ANKRD50: variants seen among roughly 807,000 people sequenced by gnomAD.
ANKRD50 encodes the protein ankyrin repeat domain 50.
A neutral mutation model predicts 112.0 loss-of-function variants in ANKRD50; 40 were observed. The ratio of observed to expected loss-of-function variants is 0.36; its 90% CI spans 0.28 to 0.46. The LOEUF is 0.46. Among genes scored for constraint, ANKRD50 ranks in the 20% least tolerant of loss-of-function variants. The pLI is 1.00. For synonymous variants in ANKRD50, 613 were observed against 619.1 expected (o/e 0.99, Z 0.15); for missense variants, 1,487 against 1,701.7 (o/e 0.87, Z 2.22).
chr4:124,690,327 A>G (rs1179849183), intron 2 of ANKRD50, among the ~76,000 whole-genome samples: 1 of 152,224 alleles, frequency 6.6e-6, no homozygotes, highest in African/African-American at 2.4e-5. Flanking sequence ...ATGGCAACAC[A>G]CAATTACCTC....
rs555096890 is a variant in ANKRD50 at position 124,668,152 on chromosome 4, C to T, written c.*4-638G>A. ...TATCTAAAATATAAAACTTACATAC[C>T]TATTTTCCCACTAACATCCCCTATA... is the stretch of plus-strand genomic sequence containing the variant. On this transcript the variant is annotated intron_variant, in intron 4 of 4. Transcript: ENST00000504087. Among the ~76,000 whole-genome samples, 13 of 151,922 alleles carry T rather than the reference C, an allele frequency of 8.6e-5. No homozygotes were observed. The South Asian group carries it at 2.3e-3, about 27-fold the overall frequency.
At chr4:124,707,133 A>C (rs1725523343) in intron 2 of ANKRD50, among the ~76,000 whole-genome samples, 1 of 152,084 alleles carries the variant, frequency 6.6e-6, no homozygotes, top group African/African-American at 2.4e-5. Flanking sequence ...AAAGCGAAAA[A>C]TAAATATTTT....
chr4:124,703,189 A>G (rs576187648), intron 2 of ANKRD50, among the ~76,000 whole-genome samples: 65 of 152,254 alleles, frequency 4.3e-4, no homozygotes, highest in Non-Finnish European at 8.4e-4. Flanking sequence ...CTGAAAGAAA[A>G]AAGTACAAAT....
At chr4:124,708,715 C>CACACACAT (rs1560603492) in intron 2 of ANKRD50, among the ~76,000 whole-genome samples, 1 of 147,890 alleles carries the variant, frequency 6.8e-6, no homozygotes, top group Non-Finnish European at 1.5e-5. Context: ...CACACACACA[C>CACACACAT]ACACATACAC....
chr4:124,667,103 T>C lies in ANKRD50; in HGVS notation c.*415A>G, dbSNP rs973592371. On this transcript the variant is annotated 3_prime_UTR_variant, in exon 5 of 5. Transcript: ENST00000504087. ...AATGCAATGTGACTGAAACAGTATG[T>C]TTAAGTTTCTTTTGCCACAAAAAGA... 1 of 151,930 alleles carries C rather than the reference T, an allele frequency of 6.6e-6. No homozygotes were observed. Among genetic ancestry groups the C allele is most frequent in the Non-Finnish European group, 1.5e-5 (1 of 67,930 alleles). The allele number at this position is 151,930 out of a possible 1,614,324, so 9.4% of individuals were successfully genotyped here. A position where few individuals can be genotyped will look rare whatever the true frequency, so the allele number is the denominator to read the frequency against.
At chr4:124,678,563 C>G in intron 3 of ANKRD50, 113 bp downstream of exon 3, 1 of 893,436 alleles carries the variant, frequency 1.1e-6, no homozygotes, top group Non-Finnish European at 1.7e-6. Context: ...TTGAGAATAG[C>G]TGATAGAAGG....
chr4:124,670,569 T>C lies in ANKRD50; in HGVS notation c.2708A>G (p.Lys903Arg), dbSNP rs1238712192. The C allele has an allele frequency of 1.2e-6, 2 of 1,613,140 alleles. No individual in the cohort carries two copies. The highest frequency in any genetic ancestry group is 1.7e-6 in the Non-Finnish European group (2 of 1,179,738). Residue 903 changes from lysine (K) to arginine (R), a missense_variant, in exon 4 of 5, where the codon AAA becomes AGA. Transcript: ENST00000504087. The part of the protein sequence containing the change: ...YDCVQILLEN[K>R]SNIDQRGYDG... The stretch of plus-strand genomic sequence containing the variant: ...ATAACCTCTTTGATCAATGTTGGAT[T>C]TGTTTTCCAGTAATATTTGAACACA...
intron 2 of ANKRD50, among the ~76,000 whole-genome samples, chr4:124,699,862 T>G (rs1001109755): frequency 1.3e-5 from 2 of 152,000 alleles, no homozygotes; most frequent in Non-Finnish European, 2.9e-5. Context: ...TTATAATGTT[T>G]TAAATTAAAA....
At position 124,671,067 on chromosome 4, in the gene ANKRD50, C is replaced by T. The variant is rs763887893; in HGVS notation, c.2210G>A (p.Arg737Gln). The change falls in exon 4 of 5, where the codon CGA becomes CAA. Residue 737 changes from arginine (R) to glutamine (Q), a missense_variant. Arg to Gln is a conservative substitution (Grantham distance 43). Coordinates refer to ENST00000504087, the MANE Select transcript of ANKRD50 (RefSeq NM_020337.3). ...HASVVSLLIDRGAEVDHCDKD... is the reference protein window; with the variant it reads ...HASVVSLLIDQGAEVDHCDKD... ...ATCACAATGATCTACTTCAGCACCT[C>T]GATCAATTAAAAGGCTAACAACTGA... 15 of 1,613,582 alleles carry T rather than the reference C, an allele frequency of 9.3e-6. No homozygotes were observed. The highest frequency in any genetic ancestry group is 2.2e-5 in the East Asian group (1 of 44,848).
rs1725290617 is a variant in ANKRD50 at position 124,698,033 on chromosome 4, G to A, written c.512+11967C>T. Among the ~76,000 whole-genome samples the A allele has an allele frequency of 2.6e-5, 4 of 152,296 alleles. No homozygotes were observed. The South Asian group carries it at 8.3e-4, about 32-fold the overall frequency. ...GACAGAATTTTTTGAAGCATTTGCT[G>A]TAAAAGGGAACAGTGAAGTTGAGTA... is the stretch of plus-strand genomic sequence containing the variant. On this transcript the variant is annotated intron_variant, in intron 2 of 4. Transcript: ENST00000504087.
At position 124,665,938 on chromosome 4, in the gene ANKRD50, T is replaced by A. The variant is rs1011786709; in HGVS notation, c.*1580A>T. Reference sequence around the variant, plus strand: ...ATGTATCACATGTGTCCTTCATATATGAAGATGACATTACTGACCTTTGTT... The same window carrying A: ...ATGTATCACATGTGTCCTTCATATAAGAAGATGACATTACTGACCTTTGTT... On this transcript the variant is annotated 3_prime_UTR_variant, in exon 5 of 5. Transcript: ENST00000504087. 2.0e-5 allele frequency: 3 copies of A among 152,158 alleles called. No individual in the cohort carries two copies. Among genetic ancestry groups the A allele is most frequent in the Non-Finnish European group, 4.4e-5 (3 of 67,940 alleles). 9.4% of individuals were successfully genotyped at this position (152,158 alleles called of 1,614,324 possible). A position where few individuals can be genotyped will look rare whatever the true frequency, so the allele number is the denominator to read the frequency against.
chr4:124,678,091 A>G (rs780555934), intron 3 of ANKRD50, among the ~76,000 whole-genome samples: 1 of 152,106 alleles, frequency 6.6e-6, no homozygotes, highest in Non-Finnish European at 1.5e-5. Context: ...AACTAACAAG[A>G]TTTCAACATA....
chr4:124,687,763 C>T (rs1725042187), intron 2 of ANKRD50, among the ~76,000 whole-genome samples: 1 of 152,098 alleles, frequency 6.6e-6, no homozygotes, highest in African/African-American at 2.4e-5. Context: ...TAAAAACGTG[C>T]TCAACATCAT....
chr4:124,710,653 T>C lies in ANKRD50; in HGVS notation c.-142A>G, dbSNP rs1725609348. ...TAAAATTCAACAGCCACAGAGTTCC[T>C]CTGTCAACAGAACGTGCATGACTTT... On this transcript the variant is annotated 5_prime_UTR_variant, in exon 2 of 5. Transcript: ENST00000504087. 4 of 986,526 alleles carry C rather than the reference T, an allele frequency of 4.1e-6. No homozygotes were observed. Among genetic ancestry groups the C allele is most frequent in the Admixed American group, 4.7e-5 (2 of 42,310 alleles). The allele number at this position is 986,526 out of a possible 1,614,324, so 61.1% of individuals were successfully genotyped here. A position where few individuals can be genotyped will look rare whatever the true frequency, so the allele number is the denominator to read the frequency against.
rs1010320100 is a variant in ANKRD50, at chr4:124,666,086, A to G, written c.*1432T>C. On this transcript the variant is annotated 3_prime_UTR_variant, in exon 5 of 5. Coordinates refer to ENST00000504087, the MANE Select transcript of ANKRD50 (RefSeq NM_020337.3). ...AAAGAACAGAATTTCTGGGTTCTAT[A>G]AGATTAACAGGCCCATTCTAAGATC... 1 of 152,166 alleles carries G rather than the reference A, an allele frequency of 6.6e-6. No individual in the cohort carries two copies. Among genetic ancestry groups the G allele is most frequent in the African/African-American group, 2.4e-5 (1 of 41,430 alleles). The allele number at this position is 152,166 out of a possible 1,614,324, so 9.4% of individuals were successfully genotyped here. A position where few individuals can be genotyped will look rare whatever the true frequency, so the allele number is the denominator to read the frequency against.
At chr4:124,703,348 G>T (rs1383765167) in intron 2 of ANKRD50, among the ~76,000 whole-genome samples, 1 of 152,174 alleles carries the variant, frequency 6.6e-6, no homozygotes, top group African/African-American at 2.4e-5. Context: ...TGATGGGGAA[G>T]AGGAAGGGAA....
At chr4:124,675,752 C>G (rs150403344) in intron 3 of ANKRD50, among the ~76,000 whole-genome samples, 14 of 151,758 alleles carry the variant, frequency 9.2e-5, no homozygotes, top group African/African-American at 3.4e-4. Flanking sequence ...ATTTTTTGTG[C>G]ACAAAATGTT....
At chr4:124,685,847 G>GTA (rs754381363) in intron 2 of ANKRD50, among the ~76,000 whole-genome samples, 21 of 152,056 alleles carry the variant, frequency 1.4e-4, no homozygotes, top group Non-Finnish European at 2.8e-4. Context: ...TCATCCTTCT[G>GTA]TAGCTAGCCT....
At position 124,668,230 on chromosome 4, in the gene ANKRD50, C is replaced by T. The variant is rs529163826; in HGVS notation, c.*4-716G>A. On this transcript the variant is annotated intron_variant, in intron 4 of 4. Transcript: ENST00000504087. ...GAAGGAGAAAAAAAAATTTATTTAACAAATATGACTATTTTATCCAGGTAT... is the reference window on the plus strand; with the variant it reads ...GAAGGAGAAAAAAAAATTTATTTAATAAATATGACTATTTTATCCAGGTAT... Among the ~76,000 whole-genome samples, 21 of 151,968 alleles carry T rather than the reference C, an allele frequency of 1.4e-4. 1 individual carries two copies. The highest frequency in any genetic ancestry group is 8.3e-4 in the South Asian group (4 of 4,814).
Sources: allele counts gnomAD v4.1 joint callset (sites outside exome capture counted in the v4.1 genomes callset), GRCh38; gene constraint gnomAD v4.1.1; transcripts MANE v1.5; gene names NCBI Gene and HGNC (gene_info 2026-07-23, HGNC 2026-07-21).